The following CC2D1A variants were observed in gnomAD, a reference collection of about 807,000 sequenced individuals.
CC2D1A encodes coiled-coil and C2 domain-containing protein 1A.
CC2D1A carries 68 observed loss-of-function variants against 123.8 expected under a neutral mutation model. That is an observed-to-expected ratio of 0.55 (90% CI 0.45 to 0.67). The LOEUF (loss-of-function observed/expected upper bound fraction) is 0.67. Ranked by LOEUF, CC2D1A falls within the 30% of genes least tolerant of loss-of-function variation. The pLI, the probability that CC2D1A is intolerant of heterozygous loss-of-function variation, is 0.00. For synonymous variants in CC2D1A, 477 were observed against 528.0 expected, an observed-to-expected ratio of 0.90 and a Z score of 1.32; for missense variants, 1,185 against 1,290.3, an observed-to-expected ratio of 0.92 and a Z score of 1.25.
intron 1 of CC2D1A, among the ~76,000 whole-genome samples, chr19:13,909,233 G>A (rs757049538): frequency 1.3e-4 from 20 of 151,986 alleles, no homozygotes; most frequent in Non-Finnish European, 2.4e-4. Context: ...AAAATTAGCC[G>A]GGCGTGGTGG....
intron 4 of CC2D1A, among the ~76,000 whole-genome samples, chr19:13,912,868 G>A (rs1018548808): frequency 6.6e-6 from 1 of 152,166 alleles, no homozygotes; most frequent in Non-Finnish European, 1.5e-5. Flanking sequence ...TGGCCAGGCT[G>A]GTCCTGACCT....
chr19:13,927,260 C>T lies in CC2D1A; in HGVS notation c.2311C>T (p.Leu771Phe). Residue 771 changes from leucine to phenylalanine, a missense_variant, in exon 22 of 29, where the codon CTT (leucine) becomes TTT (phenylalanine). Physicochemically the swap from Leu to Phe is conservative, Grantham distance 22. Transcript: ENST00000318003. ...GATAGCATGTGAGGTCCGGGAGATC[C>T]TTGAGGTGAGAGGTGGACATTCATC... ...LEIACEVREI[L>F]EVLDGRRPTG... The T allele has an allele frequency of 6.2e-7, 1 of 1,613,514 alleles. No individual in the cohort carries two copies. The highest frequency in any genetic ancestry group is 8.5e-7 in the Non-Finnish European group (1 of 1,179,502).
At position 13,926,695 on chromosome 19, in the gene CC2D1A, T is replaced by C. The variant is rs931347541; in HGVS notation, c.2043T>C (p.Phe681=). Residue 681 remains phenylalanine (F), a synonymous_variant, in exon 19 of 29, where the codon TTT becomes TTC. Transcript: ENST00000318003. ...PGLSPGDLDV[F]VRFDFPYPNV... is the part of the protein sequence containing the mutation. ...TGTCCCCTGGCGATCTGGATGTCTT[T>C]GTTCGGTTTGACTTCCCCTATCCCA... 3 of 1,614,166 alleles carry C rather than the reference T, an allele frequency of 1.9e-6. No individual in the cohort carries two copies. The highest frequency in any genetic ancestry group is 2.5e-6 in the Non-Finnish European group (3 of 1,180,032).
chr19:13,910,407 CAAA>C (rs766322114), intron 2 of CC2D1A, among the ~76,000 whole-genome samples: 6 of 40,886 alleles, frequency 1.5e-4, no homozygotes, highest in African/African-American at 2.4e-4. Flanking sequence ...GACTCCGTCT[CAAA>C]AAAAAAAAAA....
Position 13,929,664 on chromosome 19 carries a change from G to T in CC2D1A, c.2710+4G>T. On this transcript the variant is annotated splice_donor_region_variant and intron_variant, in intron 26 of 28. Transcript: ENST00000318003. ...GGGGGTGTGGGCATCCGACGGGGTA[G>T]GGGTTTGGAGATGGGCATCTGGTGG... The T allele has an allele frequency of 6.5e-7, 1 of 1,535,122 alleles. No homozygotes were observed. Among genetic ancestry groups the T allele is most frequent in the Non-Finnish European group, 8.7e-7 (1 of 1,143,536 alleles).
At position 13,926,512 on chromosome 19, in the gene CC2D1A, G is replaced by A. The variant is rs1255470595; in HGVS notation, c.1941-5G>A. 9 of 1,613,594 alleles carry A rather than the reference G, an allele frequency of 5.6e-6. No individual in the cohort carries two copies. The East Asian group carries it at 8.9e-5, about 16-fold the overall frequency. ...CACCTGCCTGCCCACCTGCCCACCC[G>A]GAAGGATCTTCCCTGACCTCAGCAG... On this transcript the variant is annotated splice_polypyrimidine_tract_variant and splice_region_variant and intron_variant, in intron 17 of 28. Transcript: ENST00000318003.
At chr19:13,919,390 A>G (rs1424808729) in intron 11 of CC2D1A, among the ~76,000 whole-genome samples, 188 bp downstream of exon 11, 1 of 152,234 alleles carries the variant, frequency 6.6e-6, no homozygotes, top group Non-Finnish European at 1.5e-5. Context: ...AGGGTTTTGT[A>G]AACTTGTTAA....
Position 13,906,345 on chromosome 19 carries a change from G to T in CC2D1A, c.-97G>T. 2 of 1,012,746 alleles carry T rather than the reference G, an allele frequency of 2.0e-6. No individual in the cohort carries two copies. The highest frequency in any genetic ancestry group is 2.8e-6 in the Non-Finnish European group (2 of 721,738). 62.7% of individuals were successfully genotyped at this position (1,012,746 alleles called of 1,614,324 possible). A position where few individuals can be genotyped will look rare whatever the true frequency, so the allele number is the denominator to read the frequency against. On this transcript the variant is annotated 5_prime_UTR_variant, in exon 1 of 29. Transcript: ENST00000318003. The surrounding 1 kb of genome is among the most constrained non-coding windows in gnomAD (Gnocchi z 4.1). Reference sequence around the variant, plus strand: ...CGCGGGGCGCCGACGAGGAGTGCAGGACTCAGGAAGGGCGAGTGCGCGGCG... The same window carrying T: ...CGCGGGGCGCCGACGAGGAGTGCAGTACTCAGGAAGGGCGAGTGCGCGGCG...
At chr19:13,911,764 G>A (rs1232425789) in intron 2 of CC2D1A, among the ~76,000 whole-genome samples, 2 of 144,614 alleles carry the variant, frequency 1.4e-5, no homozygotes, top group Non-Finnish European at 3.0e-5. Context: ...CGCCCAGGCT[G>A]GAGTACAGTG....
intron 6 of CC2D1A, 123 bp downstream of exon 6, chr19:13,913,761 G>T (rs1457159313): frequency 3.0e-5 from 21 of 703,210 alleles, no homozygotes; most frequent in Non-Finnish European, 2.1e-5. Flanking sequence ...GAGTCCTGGG[G>T]TCTTCAAGCC....
chr19:13,925,572 C>T (rs1971563093), intron 17 of CC2D1A, among the ~76,000 whole-genome samples: 1 of 144,296 alleles, frequency 6.9e-6, no homozygotes, highest in African/African-American at 2.6e-5. Context: ...GTGAGACTGT[C>T]TCAAAAAAAA....
rs1258460645 is a variant in CC2D1A at position 13,923,260 on chromosome 19, A to G, written c.1642-73A>G. On this transcript the variant is annotated intron_variant, in intron 14 of 28. Transcript: ENST00000318003. This position sits in a 1 kb window ranked among gnomAD's most constrained non-coding sequence, Gnocchi z 5.3. ...AGGGAATGCCCCTCGTCAAGGAAGA[A>G]TGACATTTCTGCAGAGCCCTAGGTG... 6.6e-7 allele frequency: 1 copy of G among 1,504,636 alleles called. No individual in the cohort carries two copies. The highest frequency in any genetic ancestry group is 1.4e-5 in the African/African-American group (1 of 71,570). The allele number at this position is 1,504,636 out of a possible 1,614,324, so 93.2% of individuals were successfully genotyped here.
In CC2D1A at chr19:13,923,157, C is replaced by T. The variant is rs928353981; in HGVS notation, c.1642-176C>T. On this transcript the variant is annotated intron_variant, in intron 14 of 28. Coordinates refer to ENST00000318003, the MANE Select transcript of CC2D1A (RefSeq NM_017721.5). The surrounding 1 kb of genome is among the most constrained non-coding windows in gnomAD (Gnocchi z 5.3). ...GCAGTGAGCTGAGATCCCGCCATTG[C>T]ACTCCAGCCTGGGCAACAGAGCGAG... Among the ~76,000 whole-genome samples, 68 of 151,694 alleles carry T rather than the reference C, an allele frequency of 4.5e-4. No homozygotes were observed. The highest frequency in any genetic ancestry group is 8.7e-4 in the Non-Finnish European group (59 of 67,898).
chr19:13,926,121 G>T (rs984163639), intron 17 of CC2D1A, among the ~76,000 whole-genome samples: 2 of 148,666 alleles, frequency 1.3e-5, no homozygotes, highest in Non-Finnish European at 3.0e-5. Flanking sequence ...TCCCCCAGCA[G>T]CTGGGGTACT....
At chr19:13,915,866 C>T (rs76275333) in intron 6 of CC2D1A, among the ~76,000 whole-genome samples, 5,338 of 152,076 alleles carry the variant, frequency 0.035, 310 homozygotes, top group African/African-American at 0.12. Context: ...ATGGGAGAAA[C>T]GAGTTGATTG....
chr19:13,930,650 T>C lies in CC2D1A; in HGVS notation c.*255T>C. ...GTCCTGTTTGCACAGCCCAGGGGTG[T>C]CCGGCCTCTGGCCCGCCCCGGAGCA... On this transcript the variant is annotated 3_prime_UTR_variant, in exon 29 of 29. Transcript: ENST00000318003. The surrounding 1 kb of genome is among the most constrained non-coding windows in gnomAD (Gnocchi z 6.8). The C allele has an allele frequency of 2.0e-6, 1 of 510,436 alleles. No homozygotes were observed. The highest frequency in any genetic ancestry group is 3.4e-6 in the Non-Finnish European group (1 of 291,662). The allele number at this position is 510,436 out of a possible 1,614,324, so 31.6% of individuals were successfully genotyped here.
chr19:13,923,860 G>T lies in CC2D1A; in HGVS notation c.1940+49G>T. ...ACCACGTGGCCCCAGTGGCCCTTTG[G>T]TGGCGGTGGGGCGGGTTGTGCTCCC... On this transcript the variant is annotated intron_variant, in intron 17 of 28. Coordinates refer to ENST00000318003, the MANE Select transcript of CC2D1A (RefSeq NM_017721.5). The surrounding 1 kb of genome is among the most constrained non-coding windows in gnomAD (Gnocchi z 5.3). 1 of 1,409,548 alleles carries T rather than the reference G, an allele frequency of 7.1e-7. No individual in the cohort carries two copies. The highest frequency in any genetic ancestry group is 1.0e-6 in the Non-Finnish European group (1 of 995,822). 87.3% of individuals were successfully genotyped at this position (1,409,548 alleles called of 1,614,324 possible).
intron 12 of CC2D1A, 40 bp downstream of exon 12, chr19:13,919,991 A>G (rs1302148833): frequency 6.3e-7 from 1 of 1,575,708 alleles, no homozygotes; most frequent in Non-Finnish European, 8.7e-7. Flanking sequence ...TCACACCTGT[A>G]GTCCCAGCAC....
chr19:13,912,219 T>C, intron 2 of CC2D1A, 104 bp from the exon 3 acceptor site: 2 of 1,274,736 alleles, frequency 1.6e-6, no homozygotes, highest in Non-Finnish European at 2.1e-6. Context: ...AGAGATGAAA[T>C]GGGGAAGTCA....
Sources: gnomAD v4.1 joint callset for allele counts (sites outside exome capture counted in the v4.1 genomes callset) on GRCh38, gnomAD v4.1.1 for gene constraint, Gnocchi (gnomAD v3.1) non-coding constraint, MANE v1.5 for transcripts, NCBI Gene and HGNC (gene_info 2026-07-23, HGNC 2026-07-21) for gene names.